The following KCNK10 variants were observed in gnomAD, a reference collection of about 807,000 sequenced individuals.
KCNK10 encodes the protein potassium channel subfamily K member 10.
A neutral mutation model predicts 47.7 loss-of-function variants in KCNK10; 25 were observed. That is an observed-to-expected ratio of 0.52 (90% confidence interval 0.38 to 0.73). The LOEUF is 0.73. Among genes scored for constraint, KCNK10 ranks in the 30% least tolerant of loss-of-function variants. The pLI, the probability that KCNK10 is intolerant of heterozygous loss-of-function variation, is 0.00. For missense variants in KCNK10, 563 were observed against 714.5 expected (o/e 0.79, Z 2.42); for synonymous variants, 303 against 285.6 (o/e 1.06, Z -0.61).
intron 1 of KCNK10, among the ~76,000 whole-genome samples, chr14:88,294,104 T>G (rs1197482131): frequency 6.6e-6 from 1 of 152,228 alleles, no homozygotes; most frequent in Non-Finnish European, 1.5e-5. Context: ...GCCCTTGAGT[T>G]GGGCTTCACT....
rs562031951 is a variant in KCNK10, at chr14:88,277,076, G to A, written c.53-13525C>T. ...GTGCCCTCACTGTTGCCTTTCCCCA[G>A]GTCACTGACATGGAGGCTCCACACC... On this transcript the variant is annotated intron_variant, in intron 1 of 6. Transcript: ENST00000319231. Among the ~76,000 whole-genome samples the A allele has an allele frequency of 7.2e-5, 11 of 152,128 alleles. 1 individual carries two copies. The highest frequency in any genetic ancestry group is 2.9e-5 in the Non-Finnish European group (2 of 68,020).
intron 4 of KCNK10, among the ~76,000 whole-genome samples, chr14:88,213,113 T>C (rs1394795816): frequency 1.3e-5 from 2 of 152,158 alleles, no homozygotes; most frequent in African/African-American, 4.8e-5. Context: ...ATGCCAGTCA[T>C]CTAAAACTTA....
At chr14:88,245,468 C>A (rs1026328026) in intron 2 of KCNK10, among the ~76,000 whole-genome samples, 1 of 152,140 alleles carries the variant, frequency 6.6e-6, no homozygotes, top group African/African-American at 2.4e-5. Flanking sequence ...ACAGGACCCC[C>A]CACCACGTTT....
chr14:88,318,042 C>T (rs993712573), intron 1 of KCNK10, among the ~76,000 whole-genome samples: 5 of 152,200 alleles, frequency 3.3e-5, no homozygotes, highest in Non-Finnish European at 5.9e-5. Context: ...TTCTATTCAG[C>T]CTTCTTACTT....
chr14:88,301,267 T>TCAC (rs1888090795), intron 1 of KCNK10, among the ~76,000 whole-genome samples: 1 of 152,186 alleles, frequency 6.6e-6, no homozygotes. Context: ...ACTGTCATTA[T>TCAC]CACCATCATC....
chr14:88,265,767 G>A lies in KCNK10; in HGVS notation c.53-2216C>T, dbSNP rs180847113. 5.4e-4 allele frequency among the ~76,000 whole-genome samples: 82 copies of A among 152,238 alleles called. 1 individual carries two copies. The South Asian group carries it at 0.016, about 30-fold the overall frequency. ...GCAGGTTTTTCCCCGTGCTGTTCTCGTGATAGTGAATAAGTCTCACAAGAT... is the reference window on the plus strand; with the variant it reads ...GCAGGTTTTTCCCCGTGCTGTTCTCATGATAGTGAATAAGTCTCACAAGAT... On this transcript the variant is annotated intron_variant, in intron 1 of 6. Coordinates refer to ENST00000319231, the MANE Select transcript of KCNK10 (RefSeq NM_138317.3).
chr14:88,319,746 G>T (rs1194853889), intron 1 of KCNK10, among the ~76,000 whole-genome samples: 1 of 151,786 alleles, frequency 6.6e-6, no homozygotes, highest in Non-Finnish European at 1.5e-5. Flanking sequence ...CTGAGCTTTG[G>T]GAACCTTACC....
intron 4 of KCNK10, among the ~76,000 whole-genome samples, chr14:88,218,023 C>T (rs1393333685): frequency 1.3e-5 from 2 of 151,500 alleles, no homozygotes; most frequent in East Asian, 1.9e-4. Context: ...ACGCCCGGCT[C>T]GATTTTCTTT....
Position 88,323,206 on chromosome 14 carries a change from G to A in KCNK10, c.-408C>T. 1 of 1,037,726 alleles carries A rather than the reference G, an allele frequency of 9.6e-7. No individual in the cohort carries two copies. The highest frequency in any genetic ancestry group is 1.2e-6 in the Non-Finnish European group (1 of 861,304). The allele number at this position is 1,037,726 out of a possible 1,614,324, so 64.3% of individuals were successfully genotyped here. ...CCACTGCAGTGTCACTCCAGCCCCCGAAGGCGTGTGCGCACACACTCCCGC... is the reference window on the plus strand; with the variant it reads ...CCACTGCAGTGTCACTCCAGCCCCCAAAGGCGTGTGCGCACACACTCCCGC... On this transcript the variant is annotated 5_prime_UTR_variant, in exon 1 of 7. Transcript: ENST00000319231.
At chr14:88,217,804 C>A (rs1294912900) in intron 4 of KCNK10, among the ~76,000 whole-genome samples, 2 of 151,946 alleles carry the variant, frequency 1.3e-5, no homozygotes, top group Non-Finnish European at 2.9e-5. Context: ...CTCACTGCAA[C>A]CTCTGCCTCC....
rs1887039849 is a variant in KCNK10, at chr14:88,259,114, A to AAAC, written c.402+4087_402+4088insGTT. 2.6e-5 allele frequency among the ~76,000 whole-genome samples: 4 copies of AAAC among 152,330 alleles called. No individual in the cohort carries two copies. In the South Asian group the frequency reaches 8.3e-4, roughly 32 times the overall value. ...TGAAAACCCTTCCAGATGTGAAAAC[A>AAAC]GACTATTTTTAAATACTGTGTTTCT... On this transcript the variant is annotated intron_variant, in intron 2 of 6. Coordinates refer to ENST00000319231, the MANE Select transcript of KCNK10 (RefSeq NM_138317.3).
intron 1 of KCNK10, among the ~76,000 whole-genome samples, chr14:88,311,304 T>C (rs1017471596): frequency 2.6e-5 from 4 of 151,640 alleles, no homozygotes; most frequent in African/African-American, 9.7e-5. Context: ...TCCTCCCACT[T>C]CAAATCAATC....
intron 3 of KCNK10, among the ~76,000 whole-genome samples, chr14:88,239,642 T>G (rs1886395599): frequency 6.6e-6 from 1 of 152,098 alleles, no homozygotes; most frequent in South Asian, 2.1e-4. Flanking sequence ...GCAGATCACC[T>G]GAGGTCAGGA....
intron 1 of KCNK10, among the ~76,000 whole-genome samples, chr14:88,313,732 C>A (rs1364139895): frequency 1.3e-5 from 2 of 152,144 alleles, no homozygotes; most frequent in Non-Finnish European, 2.9e-5. Flanking sequence ...TTAAACTATC[C>A]CTGAATTATT....
Position 88,187,994 on chromosome 14 carries a change from C to T in KCNK10, c.984G>A (p.Arg328=), listed in dbSNP as rs1456164240. ...CTTCTTTTGTCTTTTTGGACAGAAC[C>T]CGTAGCCAATCTCCGATCATACTGA... is the stretch of plus-strand genomic sequence containing the variant. ...AVLSMIGDWL[R]VLSKKTKEEV... Residue 328 remains arginine, a synonymous_variant, in exon 6 of 7, where the codon CGG becomes CGA. Transcript: ENST00000319231. 1.9e-6 allele frequency: 3 copies of T among 1,614,092 alleles called. No homozygotes were observed. Among genetic ancestry groups the T allele is most frequent in the Non-Finnish European group, 2.5e-6 (3 of 1,180,024 alleles).
intron 4 of KCNK10, among the ~76,000 whole-genome samples, chr14:88,217,512 G>A (rs563441722): frequency 6.6e-6 from 1 of 151,948 alleles, no homozygotes; most frequent in Non-Finnish European, 1.5e-5. Context: ...TCCAAAACAG[G>A]GATTTTGATC....
intron 1 of KCNK10, among the ~76,000 whole-genome samples, chr14:88,308,542 A>G (rs4904445): frequency 0.12 from 18,313 of 152,302 alleles, 1,475 homozygotes; most frequent in African/African-American, 0.22. Context: ...AAAAGTTACT[A>G]TCTGCTAGAG....
chr14:88,208,394 G>A (rs1566685708), intron 4 of KCNK10, among the ~76,000 whole-genome samples: 1 of 152,006 alleles, frequency 6.6e-6, no homozygotes, highest in African/African-American at 2.4e-5. Flanking sequence ...CCTCTTCCTT[G>A]GGGAAAAGGT....
chr14:88,320,503 T>A lies in KCNK10; in HGVS notation c.52+2244A>T, dbSNP rs998874931. On this transcript the variant is annotated intron_variant, in intron 1 of 6. Transcript: ENST00000319231. ...ATCCTGACCCCAGCACTTAGACAGC[T>A]GCCCACCTAACACACCCCTTGGATG... Among the ~76,000 whole-genome samples, 39 of 152,194 alleles carry A rather than the reference T, an allele frequency of 2.6e-4. 1 individual carries two copies. The highest frequency in any genetic ancestry group is 4.4e-5 in the Non-Finnish European group (3 of 68,036).
Sources: allele counts gnomAD v4.1 joint callset (sites outside exome capture counted in the v4.1 genomes callset), GRCh38; gene constraint gnomAD v4.1.1; transcripts MANE v1.5; gene names NCBI Gene and HGNC (gene_info 2026-07-23, HGNC 2026-07-21).